NPAS3: variants seen among roughly 807,000 people sequenced by gnomAD.
NPAS3 encodes neuronal PAS domain protein 3, also known as neuronal PAS domain-containing protein 3.
In NPAS3, 14 loss-of-function variants were observed where a neutral mutation model predicts 73.1. The ratio of observed to expected loss-of-function variants is 0.19; its 90% CI spans 0.13 to 0.30. NPAS3 has a LOEUF of 0.30. NPAS3 is among the 10% of genes least tolerant of loss of function. The pLI, the probability that NPAS3 is intolerant of heterozygous loss-of-function variation, is 1.00. For synonymous variants in NPAS3, 620 were observed against 541.5 expected, an observed-to-expected ratio of 1.14 and a Z score of -2.01; for missense variants, 1,096 against 1,250.0, an observed-to-expected ratio of 0.88 and a Z score of 1.86.
chr14:33,730,666 C>T (rs1377196401), intron 6 of NPAS3, among the ~76,000 whole-genome samples: 1 of 151,748 alleles, frequency 6.6e-6, no homozygotes, highest in Non-Finnish European at 1.5e-5. Flanking sequence ...AAGTGCAGTC[C>T]TCTCATGTAT....
chr14:33,189,338 G>T (rs772473275), intron 2 of NPAS3, among the ~76,000 whole-genome samples: 4 of 152,170 alleles, frequency 2.6e-5, no homozygotes, highest in Admixed American at 2.0e-4. Flanking sequence ...TCAGAGACTT[G>T]TTCATACGCT....
At chr14:33,202,511 A>T (rs896861667) in intron 2 of NPAS3, among the ~76,000 whole-genome samples, 10 of 152,194 alleles carry the variant, frequency 6.6e-5, no homozygotes, top group Non-Finnish European at 1.3e-4. Flanking sequence ...TTATGAGAGG[A>T]CTAAGCACCT....
intron 3 of NPAS3, among the ~76,000 whole-genome samples, chr14:33,305,950 T>A (rs1055406637): frequency 2.6e-5 from 4 of 152,190 alleles, no homozygotes; most frequent in African/African-American, 9.7e-5. Context: ...ATTGGTTTGT[T>A]TATAGTATGC....
chr14:33,633,836 A>T (rs189179831), intron 5 of NPAS3, among the ~76,000 whole-genome samples: 1 of 152,176 alleles, frequency 6.6e-6, no homozygotes, highest in Admixed American at 6.5e-5. Context: ...AAAATTAGCC[A>T]GTTGTGGTGG....
chr14:33,080,260 A>T (rs560104301), intron 2 of NPAS3, among the ~76,000 whole-genome samples: 9 of 152,142 alleles, frequency 5.9e-5, no homozygotes, highest in Non-Finnish European at 8.8e-5. Flanking sequence ...GGCGCCCGCC[A>T]CCACGCCTGG....
intron 6 of NPAS3, among the ~76,000 whole-genome samples, chr14:33,698,211 G>A (rs2060438841): frequency 6.6e-6 from 1 of 152,160 alleles, no homozygotes. Flanking sequence ...GGTGTCAAGA[G>A]ACATGTAACC....
At chr14:33,418,224 G>T (rs2048231276) in intron 4 of NPAS3, among the ~76,000 whole-genome samples, 1 of 151,972 alleles carries the variant, frequency 6.6e-6, no homozygotes, top group African/African-American at 2.4e-5. Flanking sequence ...TCCCCCATTT[G>T]CCCTGAATCT....
intron 7 of NPAS3, among the ~76,000 whole-genome samples, chr14:33,772,496 T>A (rs1277590724): frequency 1.3e-5 from 2 of 152,242 alleles, no homozygotes; most frequent in Non-Finnish European, 2.9e-5. Flanking sequence ...TTTAAATTGC[T>A]TTGGAATAGA....
intron 3 of NPAS3, among the ~76,000 whole-genome samples, chr14:33,242,367 C>T (rs1039581046): frequency 2.6e-5 from 4 of 152,006 alleles, no homozygotes; most frequent in African/African-American, 9.7e-5. Flanking sequence ...TGTATGACCA[C>T]CTGTCCCGTT....
At chr14:33,064,222 C>G (rs941532521) in intron 2 of NPAS3, among the ~76,000 whole-genome samples, 1 of 151,950 alleles carries the variant, frequency 6.6e-6, no homozygotes, top group South Asian at 2.1e-4. Context: ...AAAAAACTTA[C>G]AGTATTATGA....
chr14:33,445,431 C>A (rs561348559), intron 4 of NPAS3, among the ~76,000 whole-genome samples: 2 of 152,202 alleles, frequency 1.3e-5, no homozygotes, highest in Non-Finnish European at 2.9e-5. Flanking sequence ...CTGACATGTG[C>A]CTCCAATTTC....
intron 4 of NPAS3, among the ~76,000 whole-genome samples, chr14:33,378,539 G>T (rs2140467466): frequency 6.6e-6 from 1 of 152,290 alleles, no homozygotes; most frequent in South Asian, 2.1e-4. Context: ...GGGAGGCTGA[G>T]GTAGGAGAAT....
At chr14:33,138,074 T>C (rs1250282120) in intron 2 of NPAS3, among the ~76,000 whole-genome samples, 1 of 151,764 alleles carries the variant, frequency 6.6e-6, no homozygotes, top group Non-Finnish European at 1.5e-5. Flanking sequence ...TTAATTATAC[T>C]TTAAGTTTTA....
At chr14:33,014,557 A>C (rs1019087979) in intron 1 of NPAS3, among the ~76,000 whole-genome samples, 7 of 152,212 alleles carry the variant, frequency 4.6e-5, no homozygotes, top group Non-Finnish European at 1.5e-5. Context: ...ACATATCTTA[A>C]ATGACTAAAT....
chr14:33,517,552 G>A (rs2053358845), intron 4 of NPAS3, among the ~76,000 whole-genome samples: 1 of 151,900 alleles, frequency 6.6e-6, no homozygotes, highest in Non-Finnish European at 1.5e-5. Context: ...CCTTTGCTTA[G>A]GCTGTTTCTT....
At chr14:33,125,173 A>G (rs980615247) in intron 2 of NPAS3, among the ~76,000 whole-genome samples, 3 of 152,110 alleles carry the variant, frequency 2.0e-5, no homozygotes, top group Admixed American at 6.6e-5. Flanking sequence ...GGTGCATTAC[A>G]TTATTTAATG....
intron 2 of NPAS3, among the ~76,000 whole-genome samples, chr14:33,129,523 A>T (rs994902483): frequency 6.6e-6 from 1 of 152,158 alleles, no homozygotes; most frequent in African/African-American, 2.4e-5. Context: ...CGTGCTATTA[A>T]GTTTATGTGC....
chr14:33,237,543 C>G (rs1346081420), intron 3 of NPAS3, among the ~76,000 whole-genome samples: 2 of 152,012 alleles, frequency 1.3e-5, no homozygotes, highest in Non-Finnish European at 2.9e-5. Flanking sequence ...AATTATAAAA[C>G]TAATTACTAA....
At chr14:32,937,361 T>G (rs1048682514), upstream of NPAS3, among the ~76,000 whole-genome samples, 2 of 148,060 alleles carry the variant, frequency 1.4e-5, no homozygotes, top group African/African-American at 2.5e-5. Context: ...GAGTGGGGGG[T>G]TTTTCAAGCA....
Sources: gnomAD v4.1 joint callset for allele counts (sites outside exome capture counted in the v4.1 genomes callset) on GRCh38, gnomAD v4.1.1 for gene constraint, MANE v1.5 for transcripts, NCBI Gene and HGNC (gene_info 2026-07-23, HGNC 2026-07-21) for gene names.